Variants in VPS13B observed in about 807,000 individuals in gnomAD.
VPS13B encodes vacuolar protein sorting 13 homolog B.
In VPS13B, 285 loss-of-function variants were observed where a neutral mutation model predicts 426.4. The observed-to-expected ratio is 0.67, with a 90% CI of 0.61 to 0.74. The LOEUF (loss-of-function observed/expected upper bound fraction) is 0.74, where lower values mean the gene tolerates loss of function less well. Ranked by LOEUF, VPS13B falls within the 30% of genes least tolerant of loss-of-function variation. The probability of loss-of-function intolerance (pLI) is 0.00; values close to 1 mark genes in which losing one functional copy is unlikely to be tolerated. For missense variants in VPS13B, 4,537 were observed against 4,782.6 expected (o/e 0.95, Z 1.51); for synonymous variants, 1,676 against 1,676.4 (o/e 1.00, Z 0.01).
chr8:99,282,021 C>T (rs1187074583), intron 19 of VPS13B, among the ~76,000 whole-genome samples: 1 of 152,138 alleles, frequency 6.6e-6, no homozygotes, highest in Non-Finnish European at 1.5e-5. Flanking sequence ...GTGCCTAACA[C>T]ATTCAAAACT....
At chr8:99,138,375 C>T (rs534891548) in intron 12 of VPS13B, among the ~76,000 whole-genome samples, 2 of 152,344 alleles carry the variant, frequency 1.3e-5, no homozygotes, top group South Asian at 4.1e-4. Context: ...GATCCATCCA[C>T]CTTGGCTTCC....
intron 16 of VPS13B, among the ~76,000 whole-genome samples, chr8:99,171,050 C>T (rs973610540): frequency 6.6e-6 from 1 of 151,558 alleles, no homozygotes; most frequent in East Asian, 1.9e-4. Flanking sequence ...AAAATAATCG[C>T]TCATATTTTC....
intron 36 of VPS13B, 75 bp downstream of exon 36, chr8:99,700,007 T>G: frequency 6.5e-7 from 1 of 1,540,146 alleles, no homozygotes; most frequent in Admixed American, 2.0e-5. Flanking sequence ...TGCATCATTT[T>G]GAAGATTTAT....
intron 43 of VPS13B, among the ~76,000 whole-genome samples, chr8:99,800,058 A>G (rs557588645): frequency 6.6e-6 from 1 of 152,264 alleles, no homozygotes; most frequent in Admixed American, 6.5e-5. Context: ...ACCATTGACT[A>G]TCATTCTGTT....
intron 20 of VPS13B, chr8:99,389,527 G>A (rs1004238963): frequency 6.6e-6 from 1 of 151,982 alleles, no homozygotes; most frequent in African/African-American, 2.4e-5. Flanking sequence ...TTATATATGT[G>A]CTATATATGT....
intron 51 of VPS13B, among the ~76,000 whole-genome samples, chr8:99,824,491 ATAAATC>A (rs1421128771): frequency 6.6e-6 from 1 of 152,242 alleles, no homozygotes; most frequent in Non-Finnish European, 1.5e-5. Flanking sequence ...TATATGGAAA[ATAAATC>A]TAAGAATTTC....
intron 27 of VPS13B, among the ~76,000 whole-genome samples, 153 bp downstream of exon 27, chr8:99,503,103 A>G (rs1439042995): frequency 5.9e-5 from 9 of 152,230 alleles, no homozygotes; most frequent in Non-Finnish European, 1.2e-4. Context: ...AGACTATTCC[A>G]ATAAAGTGAA....
chr8:99,212,910 G>A (rs1478538216), intron 17 of VPS13B, among the ~76,000 whole-genome samples: 3 of 151,936 alleles, frequency 2.0e-5, no homozygotes, highest in African/African-American at 4.8e-5. Context: ...GCTAAGTCAC[G>A]CTTTCATATG....
chr8:99,375,558 C>T (rs1253956243), intron 19 of VPS13B, among the ~76,000 whole-genome samples: 24 of 152,190 alleles, frequency 1.6e-4, no homozygotes, highest in Non-Finnish European at 1.5e-5. Context: ...GACAATTCCC[C>T]TAGATAAAGT....
intron 19 of VPS13B, among the ~76,000 whole-genome samples, chr8:99,382,310 C>G (rs542477962): frequency 1.3e-5 from 2 of 152,234 alleles, no homozygotes; most frequent in South Asian, 4.2e-4. Context: ...ACTACTCAAG[C>G]TCTTTTTTCA....
At chr8:99,099,845 G>A (rs1246771268) in intron 4 of VPS13B, among the ~76,000 whole-genome samples, 1 of 152,174 alleles carries the variant, frequency 6.6e-6, no homozygotes, top group South Asian at 2.1e-4. Context: ...GGTTATATGA[G>A]GTATGGGGAG....
At chr8:99,431,774 A>G (rs1469662250) in intron 22 of VPS13B, 110 bp downstream of exon 22, 1 of 1,138,572 alleles carries the variant, frequency 8.8e-7, no homozygotes, top group East Asian at 2.6e-5. Flanking sequence ...TATGTATACC[A>G]TCTCATTTTC....
In VPS13B at chr8:99,818,827, C is replaced by G; in HGVS notation, c.8560C>G (p.Gln2854Glu). 6.2e-7 allele frequency: 1 copy of G among 1,613,944 alleles called. No homozygotes were observed. Among genetic ancestry groups the G allele is most frequent in the African/African-American group, 1.3e-5 (1 of 75,008 alleles). ...AACACAAATTATTCCAGGAAAAGGGCAGGAAAAACCACTGCAAAACATAGA... is the reference window on the plus strand; with the variant it reads ...AACACAAATTATTCCAGGAAAAGGGGAGGAAAAACCACTGCAAAACATAGA... Reference protein sequence around the residue: ...SETQIIPGKGQEKPLQNIEPD... With the variant: ...SETQIIPGKGEEKPLQNIEPD... Residue 2854 changes from glutamine (Q) to glutamate (E), a missense_variant, in exon 47 of 62, where the codon CAG becomes GAG. By Grantham distance (29) the Gln-to-Glu change is conservative. This residue lies in a region of VPS13B where 4,311 missense variants were observed against 4,474.3 expected (regional missense o/e 0.96). Coordinates refer to ENST00000357162, the MANE Select transcript of VPS13B (RefSeq NM_152564.5).
chr8:99,286,070 A>G (rs1313280671), intron 19 of VPS13B, among the ~76,000 whole-genome samples: 1 of 151,936 alleles, frequency 6.6e-6, no homozygotes, highest in Non-Finnish European at 1.5e-5. Context: ...CCTTCTAAGC[A>G]CAACCATAGC....
intron 4 of VPS13B, 28 bp from the exon 5 acceptor site, chr8:99,102,925 A>G (rs374979711): frequency 6.5e-7 from 1 of 1,549,502 alleles, no homozygotes; most frequent in Non-Finnish European, 8.9e-7. Context: ...ATTTGTGGCT[A>G]ATTAAATTCT....
intron 52 of VPS13B, among the ~76,000 whole-genome samples, chr8:99,834,333 G>T (rs1338348337): frequency 6.6e-6 from 1 of 152,122 alleles, no homozygotes; most frequent in East Asian, 1.9e-4. Flanking sequence ...CTTCATCACA[G>T]AAGGCAACCT....
In VPS13B at chr8:99,835,721, A is replaced by G; in HGVS notation, c.9925A>G (p.Asn3309Asp). 6.2e-7 allele frequency: 1 copy of G among 1,614,184 alleles called. No homozygotes were observed. The highest frequency in any genetic ancestry group is 8.5e-7 in the Non-Finnish European group (1 of 1,180,024). ...TGAGTGGAGTGATGCCATTGACATC[A>G]ACAGTCAGGGAACACAGGTCAGTGA... Reference protein sequence around the residue: ...TTEWSDAIDINSQGTQVVFLT... With the variant: ...TTEWSDAIDIDSQGTQVVFLT... Residue 3309 changes from asparagine to aspartate, a missense_variant, in exon 54 of 62, where the codon AAC (asparagine) becomes GAC (aspartate). Around this residue, in one of 2 missense-constraint regions of VPS13B, gnomAD observed 4,311 missense variants for 4,474.3 expected, o/e 0.96. Coordinates refer to ENST00000357162, the MANE Select transcript of VPS13B (RefSeq NM_152564.5).
intron 19 of VPS13B, among the ~76,000 whole-genome samples, chr8:99,380,398 A>T (rs1189168518): frequency 6.6e-6 from 1 of 151,916 alleles, no homozygotes; most frequent in Non-Finnish European, 1.5e-5. Context: ...TTTAATTATG[A>T]CTCCCATTTT....
intron 2 of VPS13B, among the ~76,000 whole-genome samples, chr8:99,032,371 TAC>T (rs1220090065): frequency 6.6e-6 from 1 of 152,220 alleles, no homozygotes; most frequent in African/African-American, 2.4e-5. Flanking sequence ...TGATTGGATT[TAC>T]ATTTATCATT....
Sources: allele counts gnomAD v4.1 joint callset (sites outside exome capture counted in the v4.1 genomes callset), GRCh38; gene constraint gnomAD v4.1.1; regional missense constraint gnomAD v4.1.1; transcripts MANE v1.5; gene names NCBI Gene and HGNC (gene_info 2026-07-23, HGNC 2026-07-21).